The following FERMT2 variants were observed in gnomAD, a reference collection of about 807,000 sequenced individuals.
The protein encoded by FERMT2 is fermitin family homolog 2.
Under a neutral mutation model 82.7 loss-of-function variants are expected in FERMT2, and 15 were observed. The ratio of observed to expected loss-of-function variants is 0.18; its 90% CI spans 0.12 to 0.28. The LOEUF (loss-of-function observed/expected upper bound fraction) is 0.28, where lower values mean the gene tolerates loss of function less well. Ranked by LOEUF, FERMT2 falls within the 10% of genes least tolerant of loss-of-function variation. The probability of loss-of-function intolerance (pLI) is 1.00; values close to 1 mark genes in which losing one functional copy is unlikely to be tolerated. For synonymous variants in FERMT2, 274 were observed against 271.5 expected, an observed-to-expected ratio of 1.01 and a Z score of -0.09; for missense variants, 645 against 809.4, an observed-to-expected ratio of 0.80 and a Z score of 2.46.
chr14:52,910,731 C>T (rs951377242), intron 3 of FERMT2, among the ~76,000 whole-genome samples: 4 of 151,998 alleles, frequency 2.6e-5, no homozygotes, highest in African/African-American at 7.3e-5. Context: ...AGGTTATTTC[C>T]CTTTAAATAG....
At chr14:52,939,833 G>C (rs948662161) in intron 2 of FERMT2, among the ~76,000 whole-genome samples, 1 of 152,084 alleles carries the variant, frequency 6.6e-6, no homozygotes, top group Non-Finnish European at 1.5e-5. Context: ...AATTTCAAAG[G>C]TTATAAAATT....
intron 3 of FERMT2, among the ~76,000 whole-genome samples, chr14:52,916,319 G>A (rs1888609209): frequency 6.6e-6 from 1 of 151,088 alleles, no homozygotes; most frequent in Admixed American, 6.6e-5. Context: ...ATTCCAGCCT[G>A]GGCAACAGAG....
At chr14:52,890,029 C>T (rs1277734713) in intron 4 of FERMT2, among the ~76,000 whole-genome samples, 5 of 149,320 alleles carry the variant, frequency 3.3e-5, no homozygotes, top group Admixed American at 6.7e-5. Context: ...CTCAGGAGGC[C>T]GAGGCAGGAG....
At chr14:52,866,495 A>G (rs1157451583) in intron 10 of FERMT2, among the ~76,000 whole-genome samples, 1 of 152,106 alleles carries the variant, frequency 6.6e-6, no homozygotes, top group African/African-American at 2.4e-5. Context: ...CACATTATAC[A>G]TTCTCCTAGC....
chr14:52,889,542 G>A (rs1391389769), intron 4 of FERMT2, among the ~76,000 whole-genome samples: 1 of 152,158 alleles, frequency 6.6e-6, no homozygotes, highest in Non-Finnish European at 1.5e-5. Flanking sequence ...GCCCAATGAT[G>A]CAATGACAAA....
intron 2 of FERMT2, among the ~76,000 whole-genome samples, chr14:52,922,156 C>T (rs1367134965): frequency 6.6e-6 from 1 of 152,186 alleles, no homozygotes; most frequent in Non-Finnish European, 1.5e-5. Context: ...ACTGGAGGTT[C>T]CTCACTGCTG....
chr14:52,878,119 A>C (rs1041266594), intron 7 of FERMT2, among the ~76,000 whole-genome samples: 1 of 152,198 alleles, frequency 6.6e-6, no homozygotes, highest in African/African-American at 2.4e-5. Context: ...GTTTGGTTCC[A>C]CTAGTCTCTC....
chr14:52,905,973 GTTTT>G (rs1887984941), intron 3 of FERMT2, among the ~76,000 whole-genome samples: 2 of 152,144 alleles, frequency 1.3e-5, no homozygotes, highest in South Asian at 4.1e-4. Flanking sequence ...TTACTCTCCT[GTTTT>G]ATTTAAACAA....
In FERMT2 at chr14:52,863,988, T is replaced by G. The variant is rs1048153464; in HGVS notation, c.1602+413A>C. Among the ~76,000 whole-genome samples the G allele has an allele frequency of 4.6e-5, 7 of 151,324 alleles. No homozygotes were observed. In the South Asian group the frequency reaches 6.3e-4, roughly 14 times the overall value. ...CTATTCTGTGTCCTTATCTGTTCTA[T>G]TAAAATGATAAAGATTTTTTTTTTT... On this transcript the variant is annotated intron_variant, in intron 12 of 14. Transcript: ENST00000341590.
At chr14:52,919,407 T>C (rs753674386) in intron 2 of FERMT2, 51 bp from the exon 3 acceptor site, 1 of 1,385,084 alleles carries the variant, frequency 7.2e-7, no homozygotes, top group Non-Finnish European at 1.0e-6. Flanking sequence ...CAAGGTGATT[T>C]TGAGAAATTA....
intron 2 of FERMT2, among the ~76,000 whole-genome samples, chr14:52,942,081 G>A (rs2139700504): frequency 6.6e-6 from 1 of 152,136 alleles, no homozygotes; most frequent in African/African-American, 2.4e-5. Flanking sequence ...TTCCCCACCA[G>A]TAAAGCTGGA....
intron 2 of FERMT2, among the ~76,000 whole-genome samples, chr14:52,947,474 C>T (rs1439571349): frequency 2.6e-5 from 4 of 151,784 alleles, no homozygotes; most frequent in African/African-American, 9.7e-5. Context: ...GTGAGACTCC[C>T]GTCTCAAAAA....
At chr14:52,870,203 C>T (rs1046396412) in intron 10 of FERMT2, among the ~76,000 whole-genome samples, 2 of 151,928 alleles carry the variant, frequency 1.3e-5, no homozygotes, top group South Asian at 2.1e-4. Context: ...GAGCAACTCC[C>T]AGTCCTGCAA....
intron 12 of FERMT2, among the ~76,000 whole-genome samples, chr14:52,864,055 C>T (rs1306286517): frequency 1.3e-5 from 2 of 151,806 alleles, no homozygotes; most frequent in African/African-American, 4.8e-5. Context: ...TTATTTTCTA[C>T]AGATTGAGTA....
At chr14:52,881,790 G>T (rs771817303) in intron 4 of FERMT2, 38 of 1,309,850 alleles carry the variant, frequency 2.9e-5, no homozygotes, top group Non-Finnish European at 3.0e-6. Flanking sequence ...TTGTGGCAAG[G>T]CTCACCTTTC....
At chr14:52,881,535 A>G (rs750534422) in intron 4 of FERMT2, 66 bp from the exon 5 acceptor site, 15 of 1,154,904 alleles carry the variant, frequency 1.3e-5, no homozygotes, top group Non-Finnish European at 1.9e-5. Flanking sequence ...CAATAATAAC[A>G]CATATTATGA....
In FERMT2 at chr14:52,859,609, G is replaced by A; in HGVS notation, c.1833C>T (p.Asn611=). The part of the protein sequence containing the change: ...GDAIKTWRFS[N]MKQWNVNWEI... ...CCCAGTTGACATTCCACTGTTTCAT[G>A]TTGCTGAAACGCCATGTTTTAATTG... The change falls in exon 14 of 15, where the codon AAC becomes AAT. Residue 611 remains asparagine, a synonymous_variant. Transcript: ENST00000341590. 1 of 1,610,446 alleles carries A rather than the reference G, an allele frequency of 6.2e-7. No individual in the cohort carries two copies. The highest frequency in any genetic ancestry group is 8.5e-7 in the Non-Finnish European group (1 of 1,177,896).
intron 2 of FERMT2, among the ~76,000 whole-genome samples, chr14:52,942,798 C>T (rs966569384): frequency 1.3e-5 from 2 of 152,146 alleles, no homozygotes; most frequent in African/African-American, 4.8e-5. Flanking sequence ...CTGAGAACAG[C>T]TGACATTATG....
At chr14:52,888,256 T>C (rs1260154845) in intron 4 of FERMT2, among the ~76,000 whole-genome samples, 3 of 152,224 alleles carry the variant, frequency 2.0e-5, no homozygotes, top group Non-Finnish European at 4.4e-5. Flanking sequence ...ATTTTTAAAA[T>C]ACGGATTAGT....
Sources: allele counts gnomAD v4.1 joint callset (sites outside exome capture counted in the v4.1 genomes callset), GRCh38; gene constraint gnomAD v4.1.1; transcripts MANE v1.5; gene names NCBI Gene and HGNC (gene_info 2026-07-23, HGNC 2026-07-21).